The following PDE4D variants were observed in gnomAD, a reference collection of about 807,000 sequenced individuals.
PDE4D encodes phosphodiesterase 4D.
Under a neutral mutation model 87.4 loss-of-function variants are expected in PDE4D, and 24 were observed. The observed-to-expected ratio is 0.27, with a 90% CI of 0.20 to 0.39. PDE4D has a LOEUF of 0.39. Among genes scored for constraint, PDE4D ranks in the 10% least tolerant of loss-of-function variants. The pLI is 1.00. For missense variants in PDE4D, 714 were observed against 1,041.0 expected, an observed-to-expected ratio of 0.69 and a Z score of 4.32; for synonymous variants, 384 against 383.2, an observed-to-expected ratio of 1.00 and a Z score of -0.02.
At chr5:60,347,366 T>C (rs1001157412) in intron 1 of PDE4D, among the ~76,000 whole-genome samples, 1 of 152,258 alleles carries the variant, frequency 6.6e-6, no homozygotes, top group Non-Finnish European at 1.5e-5. Flanking sequence ...CAGACATTTG[T>C]AGAAAACATA....
intron 1 of PDE4D, among the ~76,000 whole-genome samples, chr5:60,457,464 A>G (rs944032965): frequency 6.6e-6 from 1 of 152,230 alleles, no homozygotes; most frequent in African/African-American, 2.4e-5. Context: ...GGCCTTTTGA[A>G]GGATGTTTGG....
At chr5:60,041,552 C>T (rs1322218470) in intron 2 of PDE4D, among the ~76,000 whole-genome samples, 3 of 152,178 alleles carry the variant, frequency 2.0e-5, no homozygotes, top group Admixed American at 1.3e-4. Context: ...CAGCTCCCAG[C>T]GAGACCAATG....
chr5:60,407,597 C>T (rs1176364087), intron 1 of PDE4D, among the ~76,000 whole-genome samples: 15 of 151,236 alleles, frequency 9.9e-5, no homozygotes, highest in East Asian at 3.9e-4. Context: ...GGACTGCAGG[C>T]GCACGGCACC....
At chr5:59,563,280 T>C (rs1820358480) in intron 1 of PDE4D, among the ~76,000 whole-genome samples, 1 of 152,180 alleles carries the variant, frequency 6.6e-6, no homozygotes, top group Non-Finnish European at 1.5e-5. Context: ...GGAATTTGAG[T>C]AGAAAAAGGT....
At chr5:59,630,486 T>C (rs73099683) in intron 1 of PDE4D, among the ~76,000 whole-genome samples, 2,196 of 152,314 alleles carry the variant, frequency 0.014, 53 homozygotes, top group African/African-American at 0.049. Flanking sequence ...TGGAAATATA[T>C]TCTGAAAATA....
intron 1 of PDE4D, among the ~76,000 whole-genome samples, chr5:60,511,999 T>C (rs1561324932): frequency 6.6e-6 from 1 of 152,170 alleles, no homozygotes; most frequent in Non-Finnish European, 1.5e-5. Context: ...GTGTCACATT[T>C]AGTTGTTTTG....
At chr5:59,538,374 T>C (rs962689251) in intron 1 of PDE4D, among the ~76,000 whole-genome samples, 1 of 152,186 alleles carries the variant, frequency 6.6e-6, no homozygotes, top group African/African-American at 2.4e-5. Flanking sequence ...CAGACCCTAC[T>C]AGCCCAAATG....
chr5:59,913,034 G>A (rs1340418451), intron 3 of PDE4D, among the ~76,000 whole-genome samples: 1 of 152,194 alleles, frequency 6.6e-6, no homozygotes, highest in Non-Finnish European at 1.5e-5. Context: ...CATCATGGAA[G>A]GAGCAATAGG....
chr5:59,394,020 T>C (rs929206917), intron 1 of PDE4D, among the ~76,000 whole-genome samples: 4 of 152,232 alleles, frequency 2.6e-5, no homozygotes, highest in Non-Finnish European at 5.9e-5. Flanking sequence ...ATGTTTCAGA[T>C]TTTGGATACT....
At chr5:59,303,583 A>T in intron 1 of PDE4D, among the ~76,000 whole-genome samples, 1 of 152,058 alleles carries the variant, frequency 6.6e-6, no homozygotes, top group East Asian at 1.9e-4. Context: ...GAGAGATAGG[A>T]TCTAGTTTCA....
chr5:59,562,189 A>G (rs1250994842), intron 1 of PDE4D, among the ~76,000 whole-genome samples: 1 of 152,144 alleles, frequency 6.6e-6, no homozygotes, highest in Non-Finnish European at 1.5e-5. Flanking sequence ...GTCTCCTTAC[A>G]AAATGAGAGA....
chr5:60,476,904 C>T lies in PDE4D; in HGVS notation c.-90+11038G>A, dbSNP rs1748377838. ...CATTTGTTTAATGTCTGTCAATCCC[C>T]ATTAGATTATAAACTCTAGGATGGC... On this transcript the variant is annotated intron_variant, in intron 1 of 16. Transcript: ENST00000502484. 3.9e-5 allele frequency among the ~76,000 whole-genome samples: 6 copies of T among 152,274 alleles called. No homozygotes were observed. In the South Asian group the frequency reaches 1.0e-3, roughly 26 times the overall value.
chr5:59,550,552 C>T (rs1817945157), intron 1 of PDE4D, among the ~76,000 whole-genome samples: 1 of 152,038 alleles, frequency 6.6e-6, no homozygotes, highest in African/African-American at 2.4e-5. Context: ...ATCTTGAATA[C>T]TCTTTAGAGA....
At chr5:60,429,273 T>C (rs924887481) in intron 1 of PDE4D, among the ~76,000 whole-genome samples, 1 of 152,228 alleles carries the variant, frequency 6.6e-6, no homozygotes, top group Non-Finnish European at 1.5e-5. Flanking sequence ...CTATTGTGAA[T>C]AGGATTATGC....
intron 1 of PDE4D, chr5:59,592,232 CGATGTT>C (rs1252210828): frequency 4.6e-5 from 34 of 733,838 alleles, no homozygotes; most frequent in Non-Finnish European, 5.7e-5. Flanking sequence ...TAACTAATAA[CGATGTT>C]GATAGTCATG....
chr5:59,163,590 G>A (rs924100648), intron 5 of PDE4D, among the ~76,000 whole-genome samples: 11 of 152,136 alleles, frequency 7.2e-5, no homozygotes, highest in Non-Finnish European at 1.5e-4. Flanking sequence ...ACAATCTATC[G>A]TACAAATCTG....
intron 1 of PDE4D, among the ~76,000 whole-genome samples, chr5:59,766,643 A>G (rs985105601): frequency 6.6e-6 from 1 of 152,238 alleles, no homozygotes. Flanking sequence ...GACACTGGAC[A>G]CGGAAATTCT....
At chr5:59,305,645 T>C (rs1771179728) in intron 1 of PDE4D, among the ~76,000 whole-genome samples, 1 of 152,146 alleles carries the variant, frequency 6.6e-6, no homozygotes, top group Non-Finnish European at 1.5e-5. Flanking sequence ...TCCATCTTGA[T>C]TTCATTTTTG....
At chr5:59,179,748 G>A (rs1215521192) in intron 5 of PDE4D, 3 of 368,342 alleles carry the variant, frequency 8.1e-6, no homozygotes, top group East Asian at 9.7e-5. Flanking sequence ...ATCCAATGAC[G>A]AATTGTTTTA....
Sources: allele counts gnomAD v4.1 joint callset (sites outside exome capture counted in the v4.1 genomes callset), GRCh38; gene constraint gnomAD v4.1.1; transcripts MANE v1.5; gene names NCBI Gene and HGNC (gene_info 2026-07-23, HGNC 2026-07-21).